The following CSMD1 variants were observed in gnomAD, a reference collection of about 807,000 sequenced individuals.
CSMD1 encodes the protein CUB and sushi domain-containing protein 1.
CSMD1 carries 213 observed loss-of-function variants against 417.5 expected under a neutral mutation model. The observed-to-expected ratio is 0.51, with a 90% CI of 0.46 to 0.57. The LOEUF (loss-of-function observed/expected upper bound fraction) is 0.57, where lower values mean the gene tolerates loss of function less well. Among genes scored for constraint, CSMD1 ranks in the 20% least tolerant of loss-of-function variants. The pLI is 0.00. For missense variants in CSMD1, 6,923 were observed against 4,529.7 expected (o/e 1.53, Z -15.17); for synonymous variants, 2,862 against 1,736.8 (o/e 1.65, Z -16.11).
chr8:4,599,392 G>C (rs191986055), intron 2 of CSMD1, among the ~76,000 whole-genome samples: 2 of 151,646 alleles, frequency 1.3e-5, no homozygotes, highest in East Asian at 3.9e-4. Context: ...AAGATCTGTT[G>C]AGAATGCAAG....
At chr8:4,303,581 T>C (rs1354021497) in intron 3 of CSMD1, among the ~76,000 whole-genome samples, 1 of 152,122 alleles carries the variant, frequency 6.6e-6, no homozygotes, top group Non-Finnish European at 1.5e-5. Context: ...CGTTGGTGAC[T>C]GTGTGGCACC....
chr8:4,611,338 G>A (rs918790861), intron 2 of CSMD1, among the ~76,000 whole-genome samples: 2 of 152,136 alleles, frequency 1.3e-5, no homozygotes, highest in African/African-American at 4.8e-5. Flanking sequence ...ACTACACAAA[G>A]CTCACTTCAT....
intron 1 of CSMD1, among the ~76,000 whole-genome samples, chr8:4,878,740 A>G (rs767807344): frequency 4.2e-4 from 64 of 152,134 alleles, no homozygotes; most frequent in South Asian, 8.3e-4. Flanking sequence ...TCTTTTGTGT[A>G]GAAAACATTC....
intron 10 of CSMD1, among the ~76,000 whole-genome samples, chr8:3,574,478 C>G (rs1800065337): frequency 6.6e-6 from 1 of 152,150 alleles, no homozygotes; most frequent in Non-Finnish European, 1.5e-5. Context: ...AACTCCTGAC[C>G]TCAAGTGATC....
At chr8:4,226,528 G>C (rs551477283) in intron 3 of CSMD1, among the ~76,000 whole-genome samples, 8 of 152,140 alleles carry the variant, frequency 5.3e-5, no homozygotes, top group African/African-American at 1.7e-4. Context: ...AAAACAATTA[G>C]CCTTGATCCT....
At chr8:4,219,862 A>G (rs373636475) in intron 3 of CSMD1, among the ~76,000 whole-genome samples, 2 of 152,210 alleles carry the variant, frequency 1.3e-5, no homozygotes, top group South Asian at 2.1e-4. Context: ...GAGTGCATAG[A>G]AAGACAAAAT....
chr8:4,325,240 G>A (rs1179783188), intron 3 of CSMD1, among the ~76,000 whole-genome samples: 1 of 152,198 alleles, frequency 6.6e-6, no homozygotes, highest in African/African-American at 2.4e-5. Flanking sequence ...AACCAGGAAT[G>A]TGCGACTTTC....
intron 2 of CSMD1, among the ~76,000 whole-genome samples, chr8:4,424,479 C>T (rs186307640): frequency 6.6e-6 from 1 of 151,918 alleles, no homozygotes; most frequent in Non-Finnish European, 1.5e-5. Flanking sequence ...AAATTAAAAC[C>T]ACAGAGAAAT....
At chr8:4,824,230 C>T (rs1019614251) in intron 1 of CSMD1, among the ~76,000 whole-genome samples, 3 of 151,876 alleles carry the variant, frequency 2.0e-5, no homozygotes, top group Non-Finnish European at 4.4e-5. Context: ...ATAGATTAGC[C>T]AAGAAAGAGG....
chr8:3,606,320 A>G (rs1295716698), intron 8 of CSMD1, among the ~76,000 whole-genome samples: 1 of 152,144 alleles, frequency 6.6e-6, no homozygotes, highest in Non-Finnish European at 1.5e-5. Context: ...AGCCTGATAC[A>G]CAGCTGGGCT....
At chr8:4,892,069 C>T (rs559374699) in intron 1 of CSMD1, among the ~76,000 whole-genome samples, 5 of 152,040 alleles carry the variant, frequency 3.3e-5, no homozygotes, top group Non-Finnish European at 5.9e-5. Flanking sequence ...GTAGAAGGTG[C>T]GGGAGGTAGG....
chr8:3,158,737 C>T (rs1048667022), intron 38 of CSMD1, among the ~76,000 whole-genome samples: 10 of 151,766 alleles, frequency 6.6e-5, no homozygotes, highest in African/African-American at 2.2e-4. Flanking sequence ...CCTCTGTGTG[C>T]GGCCTATTTT....
intron 5 of CSMD1, among the ~76,000 whole-genome samples, chr8:3,814,179 A>G (rs759465674): frequency 3.0e-4 from 45 of 152,206 alleles, no homozygotes; most frequent in Admixed American, 7.2e-4. Flanking sequence ...GTCAAGATGC[A>G]AACTGCAAGA....
intron 50 of CSMD1, among the ~76,000 whole-genome samples, chr8:3,050,547 A>G (rs112013612): frequency 7.9e-5 from 12 of 152,282 alleles, no homozygotes; most frequent in African/African-American, 2.6e-4. Context: ...TTTTGAGAGA[A>G]TAGTTCTGTT....
intron 2 of CSMD1, among the ~76,000 whole-genome samples, chr8:4,494,026 C>T (rs1361950589): frequency 6.6e-6 from 1 of 151,998 alleles, no homozygotes; most frequent in Non-Finnish European, 1.5e-5. Context: ...CCTCAGAGGC[C>T]CTGGGGGAAG....
intron 1 of CSMD1, among the ~76,000 whole-genome samples, chr8:4,867,748 G>C (rs907838510): frequency 2.0e-5 from 3 of 152,070 alleles, no homozygotes; most frequent in African/African-American, 7.3e-5. Flanking sequence ...ATTCAATGCA[G>C]TTAGGTTTTT....
At chr8:3,330,984 C>T (rs1322473898) in intron 23 of CSMD1, among the ~76,000 whole-genome samples, 1 of 152,158 alleles carries the variant, frequency 6.6e-6, no homozygotes, top group Non-Finnish European at 1.5e-5. Flanking sequence ...GGCGCGGTGG[C>T]TCACGCCTGT....
chr8:3,651,386 A>G (rs1797850084), intron 7 of CSMD1, among the ~76,000 whole-genome samples: 1 of 152,044 alleles, frequency 6.6e-6, no homozygotes. Context: ...TTCATTCACA[A>G]TATGGAAGCC....
At chr8:4,142,888 G>A (rs1803875445) in intron 3 of CSMD1, among the ~76,000 whole-genome samples, 1 of 150,878 alleles carries the variant, frequency 6.6e-6, no homozygotes, top group Non-Finnish European at 1.5e-5. Flanking sequence ...ATTAGTAGCT[G>A]ACAACACAAT....
Sources: allele counts gnomAD v4.1 joint callset (sites outside exome capture counted in the v4.1 genomes callset), GRCh38; gene constraint gnomAD v4.1.1; transcripts MANE v1.5; gene names NCBI Gene and HGNC (gene_info 2026-07-23, HGNC 2026-07-21).